Variants in MATN2 observed in about 807,000 individuals in gnomAD.
MATN2 encodes matrilin 2.
A neutral mutation model predicts 103.2 loss-of-function variants in MATN2; 69 were observed. That is an observed-to-expected ratio of 0.67 (90% CI 0.55 to 0.82). The LOEUF is 0.82. Ranked by LOEUF, MATN2 falls within the 40% of genes least tolerant of loss-of-function variation. The pLI, the probability that MATN2 is intolerant of heterozygous loss-of-function variation, is 0.00. For synonymous variants in MATN2, 429 were observed against 450.2 expected (o/e 0.95, Z 0.60); for missense variants, 1,023 against 1,211.5 (o/e 0.84, Z 2.31).
chr8:97,994,262 GAAGAAGGAGAAGAAGGA>G (rs1343943685), intron 6 of MATN2, among the ~76,000 whole-genome samples: 4 of 76,416 alleles, frequency 5.2e-5, no homozygotes, highest in South Asian at 4.2e-4. Flanking sequence ...GAGGAGGAGG[GAAGAAGGAGAAGAAGGA>G]AAGAAGGAGA....
At chr8:97,884,800 G>A (rs1028954771) in intron 1 of MATN2, among the ~76,000 whole-genome samples, 2 of 151,190 alleles carry the variant, frequency 1.3e-5, no homozygotes, top group East Asian at 1.9e-4. Flanking sequence ...ACAACAACAC[G>A]GAATAGCTAA....
At chr8:97,877,719 A>C (rs1402736373) in intron 1 of MATN2, among the ~76,000 whole-genome samples, 1 of 152,186 alleles carries the variant, frequency 6.6e-6, no homozygotes, top group Non-Finnish European at 1.5e-5. Context: ...TGTATTTAGC[A>C]CTGGTGCCAA....
intron 2 of MATN2, among the ~76,000 whole-genome samples, chr8:97,928,213 C>A (rs1810056174): frequency 7.2e-6 from 1 of 139,580 alleles, no homozygotes; most frequent in South Asian, 2.4e-4. Context: ...GAAAAGCACT[C>A]CTGCCTTTTT....
intron 2 of MATN2, among the ~76,000 whole-genome samples, chr8:97,911,167 ATT>A (rs1809416753): frequency 1.4e-5 from 2 of 146,754 alleles, no homozygotes; most frequent in African/African-American, 4.9e-5. Flanking sequence ...TTTTTTTTGT[ATT>A]TTCGGTAGAG....
At chr8:97,975,078 C>T (rs1788532419) in intron 5 of MATN2, among the ~76,000 whole-genome samples, 1 of 152,190 alleles carries the variant, frequency 6.6e-6, no homozygotes, top group African/African-American at 2.4e-5. Context: ...TCCTAGAGCC[C>T]ATGTGTTCCA....
chr8:97,959,187 TTTG>T (rs1811230997), intron 4 of MATN2, among the ~76,000 whole-genome samples: 1 of 152,186 alleles, frequency 6.6e-6, no homozygotes, highest in African/African-American at 2.4e-5. Context: ...ATAGGATCAG[TTTG>T]TTCTTCAGGA....
intron 2 of MATN2, among the ~76,000 whole-genome samples, chr8:97,912,993 G>A (rs1369783517): frequency 6.6e-6 from 1 of 152,148 alleles, no homozygotes; most frequent in Non-Finnish European, 1.5e-5. Context: ...CCACGCAAGA[G>A]CACCTCACTG....
At chr8:98,013,384 C>CCATG (rs1477010694) in intron 10 of MATN2, among the ~76,000 whole-genome samples, 2 of 152,116 alleles carry the variant, frequency 1.3e-5, no homozygotes, top group African/African-American at 4.8e-5. Flanking sequence ...TCCACACATC[C>CCATG]CATGGGGTTC....
At chr8:97,913,835 G>A (rs992229378) in intron 2 of MATN2, among the ~76,000 whole-genome samples, 12 of 152,158 alleles carry the variant, frequency 7.9e-5, no homozygotes, top group African/African-American at 4.8e-5. Context: ...GGCTGGCCTC[G>A]AACTCCTGAC....
chr8:97,980,527 A>G (rs1811980761), intron 6 of MATN2, among the ~76,000 whole-genome samples: 1 of 149,222 alleles, frequency 6.7e-6, no homozygotes, highest in African/African-American at 2.5e-5. Flanking sequence ...ACAGGATGAT[A>G]ATGCTGCCTA....
chr8:97,896,258 C>T (rs140641608), intron 2 of MATN2, among the ~76,000 whole-genome samples: 1 of 152,338 alleles, frequency 6.6e-6, no homozygotes, highest in East Asian at 1.9e-4. Context: ...GACCTCAGTT[C>T]ATTCATCTCT....
chr8:97,953,540 A>G (rs1205711127), intron 4 of MATN2, among the ~76,000 whole-genome samples: 1 of 152,186 alleles, frequency 6.6e-6, no homozygotes, highest in African/African-American at 2.4e-5. Context: ...TAATCCCAGC[A>G]CTTTGGGAGG....
intron 14 of MATN2, among the ~76,000 whole-genome samples, 161 bp downstream of exon 14, chr8:98,027,990 C>T (rs746380333): frequency 3.3e-5 from 5 of 152,140 alleles, no homozygotes; most frequent in Non-Finnish European, 7.4e-5. Flanking sequence ...ACCTAGAAGC[C>T]TTAACAGGAC....
At chr8:97,938,486 T>G (rs1164139164) in intron 3 of MATN2, among the ~76,000 whole-genome samples, 2 of 152,088 alleles carry the variant, frequency 1.3e-5, no homozygotes, top group East Asian at 3.9e-4. Flanking sequence ...ACATCGTACA[T>G]GAATTCAAGG....
intron 6 of MATN2, among the ~76,000 whole-genome samples, chr8:97,985,602 A>C (rs574434311): frequency 4.6e-5 from 7 of 152,318 alleles, no homozygotes; most frequent in African/African-American, 1.7e-4. Context: ...AAATGTGTAC[A>C]TTTATTTTTA....
intron 13 of MATN2, among the ~76,000 whole-genome samples, chr8:98,023,139 G>A (rs1228878991): frequency 1.3e-5 from 2 of 152,094 alleles, no homozygotes; most frequent in Non-Finnish European, 1.5e-5. Flanking sequence ...GCCGGGTGTG[G>A]TGGCATGCAC....
chr8:98,025,397 T>G (rs911698103), intron 13 of MATN2: 5 of 185,700 alleles, frequency 2.7e-5, no homozygotes, highest in African/African-American at 9.6e-5. Context: ...TTTTAAAGAT[T>G]AGACAGCTGC....
chr8:97,889,903 C>G (rs1818572877), intron 2 of MATN2, among the ~76,000 whole-genome samples: 1 of 152,186 alleles, frequency 6.6e-6, no homozygotes, highest in African/African-American at 2.4e-5. Flanking sequence ...TACACACACA[C>G]AGACCACATC....
At chr8:97,993,659 G>A (rs1812470515) in intron 6 of MATN2, among the ~76,000 whole-genome samples, 1 of 152,128 alleles carries the variant, frequency 6.6e-6, no homozygotes, top group African/African-American at 2.4e-5. Context: ...ATGTGCAGCT[G>A]AGCCCAATGA....
Sources: gnomAD v4.1 joint callset for allele counts (sites outside exome capture counted in the v4.1 genomes callset) on GRCh38, gnomAD v4.1.1 for gene constraint, MANE v1.5 for transcripts, NCBI Gene and HGNC (gene_info 2026-07-23, HGNC 2026-07-21) for gene names.